Variants in NR6A1 observed in about 807,000 individuals in gnomAD.
The protein encoded by NR6A1 is nuclear receptor subfamily 6 group A member 1.
NR6A1 carries 7 observed loss-of-function variants against 59.1 expected under a neutral mutation model. That is an observed-to-expected ratio of 0.12 (90% confidence interval 0.07 to 0.22). The LOEUF (loss-of-function observed/expected upper bound fraction) is 0.22, where lower values mean the gene tolerates loss of function less well. NR6A1 is among the 10% of genes least tolerant of loss of function. The pLI is 1.00. For missense variants in NR6A1, 468 were observed against 611.6 expected (o/e 0.77, Z 2.48); for synonymous variants, 243 against 236.1 (o/e 1.03, Z -0.27).
chr9:124,632,085 T>C (rs1836461950), intron 2 of NR6A1, among the ~76,000 whole-genome samples: 1 of 152,236 alleles, frequency 6.6e-6, no homozygotes, highest in Non-Finnish European at 1.5e-5. Context: ...GCATTTAGAT[T>C]GATTCTGTGT....
At chr9:124,763,393 A>T (rs763340951) in intron 1 of NR6A1, among the ~76,000 whole-genome samples, 48 of 152,348 alleles carry the variant, frequency 3.2e-4, no homozygotes, top group South Asian at 6.2e-4. Flanking sequence ...CAATACAGTA[A>T]AAAAGGCAAA....
At chr9:124,634,912 C>A (rs2130888449) in intron 2 of NR6A1, among the ~76,000 whole-genome samples, 1 of 152,242 alleles carries the variant, frequency 6.6e-6, no homozygotes, top group Non-Finnish European at 1.5e-5. Flanking sequence ...ATATTCCCCA[C>A]CCCCACATAT....
intron 2 of NR6A1, among the ~76,000 whole-genome samples, chr9:124,664,409 C>T (rs1157936775): frequency 6.6e-6 from 1 of 152,180 alleles, no homozygotes; most frequent in African/African-American, 2.4e-5. Flanking sequence ...TAACAAGTTG[C>T]TTCTCTCTGA....
Position 124,599,671 on chromosome 9 carries a change from T to G in NR6A1, c.143-45101A>C, listed in dbSNP as rs923202105. The G allele has an allele frequency of 4.9e-6, 5 of 1,028,506 alleles. No individual in the cohort carries two copies. The African/African-American group carries it at 8.8e-5, about 18-fold the overall frequency. The allele number at this position is 1,028,506 out of a possible 1,614,324, so 63.7% of individuals were successfully genotyped here. A position where few individuals can be genotyped will look rare whatever the true frequency, so the allele number is the denominator to read the frequency against. On this transcript the variant is annotated intron_variant, in intron 2 of 9. Coordinates refer to ENST00000487099, the MANE Select transcript of NR6A1 (RefSeq NM_033334.4). Reference sequence around the variant, plus strand: ...CTACTCGTAGCTCCTTCCCTCTGCGTCTGGCCATGAAGTCCAAATTATGAA... The same window carrying G: ...CTACTCGTAGCTCCTTCCCTCTGCGGCTGGCCATGAAGTCCAAATTATGAA...
chr9:124,726,560 A>G (rs1839724278), intron 2 of NR6A1, among the ~76,000 whole-genome samples: 1 of 152,206 alleles, frequency 6.6e-6, no homozygotes, highest in South Asian at 2.1e-4. Context: ...GGGAGGGTGG[A>G]GAGAGGTAGA....
chr9:124,649,433 C>T (rs920653655), intron 2 of NR6A1, among the ~76,000 whole-genome samples: 10 of 152,074 alleles, frequency 6.6e-5, no homozygotes, highest in Non-Finnish European at 1.0e-4. Flanking sequence ...ATCCTGTTCT[C>T]TTACTACATA....
chr9:124,556,196 G>T (rs1833919490), intron 2 of NR6A1, among the ~76,000 whole-genome samples: 1 of 152,206 alleles, frequency 6.6e-6, no homozygotes, highest in Admixed American at 6.5e-5. Context: ...GGGTTATTCT[G>T]AATTATATGG....
intron 2 of NR6A1, among the ~76,000 whole-genome samples, chr9:124,657,435 A>G (rs1837292533): frequency 1.3e-5 from 2 of 152,212 alleles, no homozygotes; most frequent in African/African-American, 4.8e-5. Context: ...GTCCACGGAA[A>G]AAAATGATTG....
intron 2 of NR6A1, among the ~76,000 whole-genome samples, chr9:124,597,054 GT>G (rs1233320110): frequency 6.6e-6 from 1 of 152,126 alleles, no homozygotes; most frequent in Non-Finnish European, 1.5e-5. Flanking sequence ...ACTGGAATCT[GT>G]CACTTAGCAG....
intron 2 of NR6A1, among the ~76,000 whole-genome samples, chr9:124,573,841 C>T (rs192656661): frequency 6.6e-6 from 1 of 152,290 alleles, no homozygotes; most frequent in East Asian, 1.9e-4. Context: ...TATGAACATA[C>T]ACATGCATGC....
intron 1 of NR6A1, among the ~76,000 whole-genome samples, chr9:124,739,737 G>A (rs779058431): frequency 3.9e-5 from 6 of 152,204 alleles, no homozygotes; most frequent in Admixed American, 6.5e-5. Flanking sequence ...CTATAAAATT[G>A]TAAATTTACC....
At chr9:124,553,596 G>A (rs569981185) in intron 3 of NR6A1, among the ~76,000 whole-genome samples, 6 of 129,482 alleles carry the variant, frequency 4.6e-5, no homozygotes, top group Non-Finnish European at 7.8e-5. Context: ...CCCTGGTAAG[G>A]TCATTACTCT....
intron 2 of NR6A1, among the ~76,000 whole-genome samples, chr9:124,670,080 T>G (rs1203068239): frequency 6.6e-6 from 1 of 151,992 alleles, no homozygotes; most frequent in East Asian, 1.9e-4. Flanking sequence ...TCACATAAAT[T>G]TGGTCAACAT....
intron 2 of NR6A1, among the ~76,000 whole-genome samples, chr9:124,672,425 G>C (rs1339312917): frequency 6.6e-6 from 1 of 151,982 alleles, no homozygotes; most frequent in African/African-American, 2.4e-5. Context: ...GACCAGCCTG[G>C]CCAACATAGT....
chr9:124,671,456 T>C (rs1488515476), intron 2 of NR6A1, among the ~76,000 whole-genome samples: 1 of 152,216 alleles, frequency 6.6e-6, no homozygotes, highest in African/African-American at 2.4e-5. Context: ...TACTTTGTCA[T>C]GGTACTTAAT....
At chr9:124,614,455 C>T (rs1312213984) in intron 2 of NR6A1, among the ~76,000 whole-genome samples, 1 of 152,122 alleles carries the variant, frequency 6.6e-6, no homozygotes, top group Non-Finnish European at 1.5e-5. Context: ...AACTGGCCCT[C>T]GGGTATTCTA....
chr9:124,741,304 T>C (rs1375915742), intron 1 of NR6A1, among the ~76,000 whole-genome samples: 1 of 152,190 alleles, frequency 6.6e-6, no homozygotes, highest in African/African-American at 2.4e-5. Context: ...AAAAATAAAA[T>C]ATGGAAATGT....
chr9:124,766,920 C>T (rs1840950212), intron 1 of NR6A1, among the ~76,000 whole-genome samples: 2 of 152,082 alleles, frequency 1.3e-5, no homozygotes, highest in Admixed American at 6.6e-5. Context: ...GTAAATCTTC[C>T]CACTAACACA....
chr9:124,742,964 T>C (rs1160482336), intron 1 of NR6A1, among the ~76,000 whole-genome samples: 1 of 152,350 alleles, frequency 6.6e-6, no homozygotes, highest in East Asian at 1.9e-4. Context: ...AGACCTCCTT[T>C]AGATTCTAGA....
Sources: gnomAD v4.1 joint callset for allele counts (sites outside exome capture counted in the v4.1 genomes callset) on GRCh38, gnomAD v4.1.1 for gene constraint, MANE v1.5 for transcripts, NCBI Gene and HGNC (gene_info 2026-07-23, HGNC 2026-07-21) for gene names.